The following ALPL variants were observed in gnomAD, a reference collection of about 807,000 sequenced individuals.
The protein encoded by ALPL is alkaline phosphatase, biomineralization associated.
A neutral mutation model predicts 51.3 loss-of-function variants in ALPL; 42 were observed. That is an observed-to-expected ratio of 0.82 (90% confidence interval 0.64 to 1.06). The LOEUF is 1.06. Among genes scored for constraint, ALPL ranks in the 50% least tolerant of loss-of-function variants. ALPL has a pLI of 0.00. For missense variants in ALPL, 589 were observed against 709.4 expected (o/e 0.83, Z 1.93); for synonymous variants, 279 against 296.4 (o/e 0.94, Z 0.60).
At chr1:21,551,916 G>A (rs1332586585) in intron 1 of ALPL, among the ~76,000 whole-genome samples, 18 of 150,866 alleles carry the variant, frequency 1.2e-4, no homozygotes, top group Admixed American at 4.0e-4. Context: ...TAGTAGAGAC[G>A]GGGTTTCACT....
chr1:21,567,007 G>A (rs1176029535), intron 6 of ALPL, among the ~76,000 whole-genome samples: 1 of 152,284 alleles, frequency 6.6e-6, no homozygotes, highest in Non-Finnish European at 1.5e-5. Context: ...CAAAGCTCAC[G>A]GCCATGACCA....
At position 21,546,095 on chromosome 1, in the gene ALPL, A is replaced by G. The variant is rs566354322; in HGVS notation, c.-104-7883A>G. 3.6e-4 allele frequency among the ~76,000 whole-genome samples: 54 copies of G among 152,070 alleles called. No individual in the cohort carries two copies. In the South Asian group the frequency reaches 0.011, roughly 30 times the overall value. ...TCCCAAAGTGCTGGGATTGCAGGCA[A>G]TTCTTTTAAATTTAATTCAGCTGAA... is the stretch of plus-strand genomic sequence containing the variant. On this transcript the variant is annotated intron_variant, in intron 1 of 11. Transcript: ENST00000374840.
intron 1 of ALPL, among the ~76,000 whole-genome samples, chr1:21,512,317 C>T (rs1480123545): frequency 6.6e-6 from 1 of 152,188 alleles, no homozygotes; most frequent in Non-Finnish European, 1.5e-5. Context: ...GACAAGTCAC[C>T]TTCCCTTTCG....
intron 6 of ALPL, among the ~76,000 whole-genome samples, chr1:21,567,441 G>A (rs746809108): frequency 2.0e-5 from 3 of 152,210 alleles, no homozygotes; most frequent in Non-Finnish European, 4.4e-5. Context: ...CGTGAGGCCC[G>A]GCCCCGCTGT....
rs2148152384 is a variant in ALPL at position 21,561,129 on chromosome 1, ATCC to A, written c.217_219del (p.Leu73del). 1.2e-6 allele frequency: 2 copies of A among 1,613,260 alleles called. No homozygotes were observed. Among genetic ancestry groups the A allele is most frequent in the Non-Finnish European group, 1.7e-6 (2 of 1,179,744 alleles). ...TGTCTCCACAGTGACGGCTGCCCGC[ATCC>A]TCAAGGGTCAGCTCCACCACAACCC... is the stretch of plus-strand genomic sequence containing the variant. On this transcript the variant is annotated inframe_deletion, in exon 4 of 12. Coordinates refer to ENST00000374840, the MANE Select transcript of ALPL (RefSeq NM_000478.6).
Position 21,577,654 on chromosome 1 carries a change from C to A in ALPL, c.*6C>A. The A allele has an allele frequency of 6.3e-7, 1 of 1,594,994 alleles. No homozygotes were observed. On this transcript the variant is annotated 3_prime_UTR_variant, in exon 12 of 12. Transcript: ENST00000374840. ...CCCTGAGCGTCCTGTTCTGAGGGCC[C>A]AGGGCCCGGGCACCCACAAGCCCGT...
intron 7 of ALPL, among the ~76,000 whole-genome samples, chr1:21,568,735 C>T (rs1259024817): frequency 6.6e-6 from 1 of 152,000 alleles, no homozygotes; most frequent in Non-Finnish European, 1.5e-5. Context: ...CATGGTTGGC[C>T]CCAGTGTGCA....
At chr1:21,571,469 G>A (rs1024494805) in intron 8 of ALPL, among the ~76,000 whole-genome samples, 18 of 151,160 alleles carry the variant, frequency 1.2e-4, no homozygotes, top group African/African-American at 2.9e-4. Context: ...TCAGGAGATT[G>A]AGACCATCCT....
intron 9 of ALPL, chr1:21,574,739 C>G (rs1218055208): frequency 6.6e-6 from 1 of 152,262 alleles, no homozygotes; most frequent in Non-Finnish European, 1.5e-5. Flanking sequence ...CAGAAACCAG[C>G]GGTGGTGAGC....
At position 21,576,260 on chromosome 1, in the gene ALPL, TGGATGGATGGGTGGATGGATG is replaced by T. The variant is rs1558557870; in HGVS notation, c.1190-260_1190-240del. On this transcript the variant is annotated intron_variant, in intron 10 of 11. Coordinates refer to ENST00000374840, the MANE Select transcript of ALPL (RefSeq NM_000478.6). ...GATGGATGGATGGATGGATGATGGATGGATGGATGGGTGGATGGATGGATGGGTGGATGGATGGATGGATGG... is the reference window on the plus strand; with the variant it reads ...GATGGATGGATGGATGGATGATGGATGATGGGTGGATGGATGGATGGATGG... Among the ~76,000 whole-genome samples the T allele has an allele frequency of 0.018, 909 of 51,456 alleles. 7 individuals carry two copies. Among genetic ancestry groups the T allele is most frequent in the African/African-American group, 0.06 (793 of 13,206 alleles). The allele number at this position is 51,456 out of a possible 152,430, so 33.8% of individuals were successfully genotyped here. A position where few individuals can be genotyped will look rare whatever the true frequency, so the allele number is the denominator to read the frequency against.
At position 21,527,013 on chromosome 1, in the gene ALPL, T is replaced by C. The variant is rs982013935; in HGVS notation, c.-105+17496T>C. ...TCTGAGTTACAGATCTATGTTATTCTTGTTCTTTTCTTTTCTTTTCTTTTC... is the reference window on the plus strand; with the variant it reads ...TCTGAGTTACAGATCTATGTTATTCCTGTTCTTTTCTTTTCTTTTCTTTTC... On this transcript the variant is annotated intron_variant, in intron 1 of 11. Transcript: ENST00000374840. Among the ~76,000 whole-genome samples, 9 of 64,874 alleles carry C rather than the reference T, an allele frequency of 1.4e-4. No homozygotes were observed. The South Asian group carries it at 2.9e-3, about 21-fold the overall frequency. 42.6% of individuals were successfully genotyped at this position (64,874 alleles called of 152,430 possible).
At chr1:21,523,465 A>G (rs911845210) in intron 1 of ALPL, among the ~76,000 whole-genome samples, 3 of 152,058 alleles carry the variant, frequency 2.0e-5, no homozygotes, top group African/African-American at 7.2e-5. Context: ...AGTTCCTGGT[A>G]CCTCTGCTCC....
intron 1 of ALPL, among the ~76,000 whole-genome samples, chr1:21,535,816 AGAAAAAGCAGTAGCACT>A (rs1462006987): frequency 6.6e-6 from 1 of 152,198 alleles, no homozygotes; most frequent in Non-Finnish European, 1.5e-5. Flanking sequence ...AATGACTAGG[AGAAAAAGCAGTAGCACT>A]GGGCCCAGGC....
chr1:21,515,835 G>GTTT (rs139377939), intron 1 of ALPL, among the ~76,000 whole-genome samples: 1 of 150,898 alleles, frequency 6.6e-6, no homozygotes, highest in Non-Finnish European at 1.5e-5. Context: ...CAGGCTTGTT[G>GTTT]TTTTTTTGTT....
intron 1 of ALPL, among the ~76,000 whole-genome samples, chr1:21,544,379 G>T (rs1644227104): frequency 6.6e-6 from 1 of 152,220 alleles, no homozygotes; most frequent in Non-Finnish European, 1.5e-5. Context: ...ACTGAGAGTG[G>T]TGCTAAGGCC....
intron 1 of ALPL, among the ~76,000 whole-genome samples, chr1:21,540,266 C>T (rs1644165394): frequency 6.6e-6 from 1 of 152,188 alleles, no homozygotes; most frequent in South Asian, 2.1e-4. Flanking sequence ...GGCATGGTGT[C>T]TCTGGGCCCT....
At chr1:21,550,397 T>C (rs773617585) in intron 1 of ALPL, among the ~76,000 whole-genome samples, 2 of 152,188 alleles carry the variant, frequency 1.3e-5, no homozygotes, top group Non-Finnish European at 2.9e-5. Context: ...TTTTCTCATC[T>C]GTAAAAGGAG....
intron 1 of ALPL, among the ~76,000 whole-genome samples, chr1:21,527,115 C>A (rs1553406603): frequency 6.7e-6 from 1 of 150,092 alleles, no homozygotes; most frequent in Non-Finnish European, 1.5e-5. Flanking sequence ...TCTCCACAAC[C>A]TCTGCCTCCC....
At chr1:21,574,276 TATGTG>T in intron 9 of ALPL, 1 of 895,468 alleles carries the variant, frequency 1.1e-6, no homozygotes, top group South Asian at 5.1e-5. Flanking sequence ...GCACTTCTGT[TATGTG>T]AAGCCAAAAA....
Sources: gnomAD v4.1 joint callset for allele counts (sites outside exome capture counted in the v4.1 genomes callset) on GRCh38, gnomAD v4.1.1 for gene constraint, MANE v1.5 for transcripts, NCBI Gene and HGNC (gene_info 2026-07-23, HGNC 2026-07-21) for gene names.